The following LIMCH1 variants were observed in gnomAD, a reference collection of about 807,000 sequenced individuals.
LIMCH1 encodes the protein LIM and calponin homology domains-containing protein 1.
LIMCH1 carries 113 observed loss-of-function variants against 176.5 expected under a neutral mutation model. The ratio of observed to expected loss-of-function variants is 0.64; its 90% confidence interval spans 0.55 to 0.75. LIMCH1 has a LOEUF of 0.75. Ranked by LOEUF, LIMCH1 falls within the 30% of genes least tolerant of loss-of-function variation. The probability of loss-of-function intolerance (pLI) is 0.00; values close to 1 mark genes in which losing one functional copy is unlikely to be tolerated. For missense variants in LIMCH1, 1,674 were observed against 1,814.9 expected, an observed-to-expected ratio of 0.92 and a Z score of 1.41; for synonymous variants, 619 against 645.9, an observed-to-expected ratio of 0.96 and a Z score of 0.63.
chr4:41,511,461 T>A (rs1010924506), intron 2 of LIMCH1, among the ~76,000 whole-genome samples: 1 of 152,230 alleles, frequency 6.6e-6, no homozygotes, highest in Non-Finnish European at 1.5e-5. Flanking sequence ...TCAACTGCTG[T>A]CTCCCTCATT....
intron 1 of LIMCH1, among the ~76,000 whole-genome samples, chr4:41,395,974 G>A (rs2057765307): frequency 1.3e-5 from 2 of 152,322 alleles, no homozygotes; most frequent in Non-Finnish European, 2.9e-5. Context: ...TACTGAGAAG[G>A]TGACAGTGGG....
At chr4:41,368,361 A>G (rs1271118959) in intron 1 of LIMCH1, among the ~76,000 whole-genome samples, 3 of 152,244 alleles carry the variant, frequency 2.0e-5, no homozygotes, top group Admixed American at 6.5e-5. Context: ...TAGGTAATGA[A>G]CAAAATAAAC....
intron 1 of LIMCH1, among the ~76,000 whole-genome samples, chr4:41,415,674 A>G (rs2059857989): frequency 6.6e-6 from 1 of 152,168 alleles, no homozygotes; most frequent in East Asian, 1.9e-4. Flanking sequence ...CTATTTGTGT[A>G]CATGTCCATT....
chr4:41,575,878 A>G (rs2084384924), intron 1 of LIMCH1, among the ~76,000 whole-genome samples: 1 of 152,192 alleles, frequency 6.6e-6, no homozygotes, highest in Admixed American at 6.5e-5. Flanking sequence ...TAATGGCCAC[A>G]GTTGGTACTA....
At chr4:41,501,966 GC>G (rs1264066562) in intron 2 of LIMCH1, among the ~76,000 whole-genome samples, 2 of 146,730 alleles carry the variant, frequency 1.4e-5, no homozygotes, top group Non-Finnish European at 3.0e-5. Flanking sequence ...GTAAATGTGT[GC>G]CATGGTGGTT....
chr4:41,573,173 G>A (rs1477356013), intron 1 of LIMCH1, among the ~76,000 whole-genome samples: 2 of 152,142 alleles, frequency 1.3e-5, no homozygotes, highest in South Asian at 2.1e-4. Flanking sequence ...ACAACAGAAG[G>A]CAAGAGAAAA....
At chr4:41,664,376 C>T (rs2094748155) in intron 20 of LIMCH1, among the ~76,000 whole-genome samples, 2 of 152,174 alleles carry the variant, frequency 1.3e-5, no homozygotes, top group Admixed American at 1.3e-4. Context: ...CACTCCCTGG[C>T]CTTAGGAGCT....
At chr4:41,436,117 G>C (rs1344389320) in intron 1 of LIMCH1, among the ~76,000 whole-genome samples, 2 of 152,072 alleles carry the variant, frequency 1.3e-5, no homozygotes, top group Non-Finnish European at 2.9e-5. Flanking sequence ...TTTAAACCTT[G>C]TTTTTCTATT....
intron 1 of LIMCH1, among the ~76,000 whole-genome samples, chr4:41,382,832 C>T (rs2055898097): frequency 6.6e-6 from 1 of 152,204 alleles, no homozygotes; most frequent in Non-Finnish European, 1.5e-5. Context: ...GCTACCATCA[C>T]CCAGGCTGGA....
At chr4:41,569,623 T>C (rs2083255374) in intron 1 of LIMCH1, among the ~76,000 whole-genome samples, 1 of 152,206 alleles carries the variant, frequency 6.6e-6, no homozygotes. Context: ...ACATTAGCTA[T>C]ATAGTACCTG....
intron 18 of LIMCH1, among the ~76,000 whole-genome samples, chr4:41,656,450 C>T (rs185987080): frequency 1.2e-4 from 18 of 152,172 alleles, no homozygotes; most frequent in African/African-American, 3.6e-4. Context: ...TTACAGATTT[C>T]GAGAAAGCAT....
intron 1 of LIMCH1, among the ~76,000 whole-genome samples, chr4:41,384,195 A>C (rs77875702): frequency 1.3e-5 from 2 of 150,586 alleles, no homozygotes; most frequent in Non-Finnish European, 3.0e-5. Flanking sequence ...GGTCCTTCAC[A>C]TTACATCCTG....
At chr4:41,480,171 AAGGAAGC>A (rs1334081674) in intron 1 of LIMCH1, among the ~76,000 whole-genome samples, 1 of 152,200 alleles carries the variant, frequency 6.6e-6, no homozygotes, top group Non-Finnish European at 1.5e-5. Flanking sequence ...CCATCTTTTA[AAGGAAGC>A]AGGCTCAGAG....
intron 5 of LIMCH1, among the ~76,000 whole-genome samples, chr4:41,616,871 G>A (rs947544064): frequency 2.6e-5 from 4 of 152,110 alleles, no homozygotes; most frequent in Non-Finnish European, 2.9e-5. Context: ...TGGTAGAGCT[G>A]AAATTTTAGA....
At chr4:41,379,641 G>A (rs747213624) in intron 1 of LIMCH1, among the ~76,000 whole-genome samples, 6 of 152,016 alleles carry the variant, frequency 3.9e-5, no homozygotes, top group Non-Finnish European at 8.8e-5. Context: ...AACTGTAACT[G>A]GTCATTTATC....
chr4:41,493,974 G>A (rs574794077), intron 1 of LIMCH1, among the ~76,000 whole-genome samples: 1 of 152,258 alleles, frequency 6.6e-6, no homozygotes, highest in South Asian at 2.1e-4. Context: ...GTCCCTGGAG[G>A]TTTCAGTAAA....
chr4:41,363,557 G>A (rs1303910106), intron 1 of LIMCH1, among the ~76,000 whole-genome samples: 1 of 152,054 alleles, frequency 6.6e-6, no homozygotes, highest in African/African-American at 2.4e-5. Context: ...TCATGGATTG[G>A]CAAGAAAACA....
chr4:41,410,964 G>A (rs2059425959), intron 1 of LIMCH1, among the ~76,000 whole-genome samples: 1 of 152,150 alleles, frequency 6.6e-6, no homozygotes, highest in Non-Finnish European at 1.5e-5. Flanking sequence ...CTTGCTGTTT[G>A]TAGAGGTTCA....
chr4:41,611,418 C>G (rs1224642204), intron 4 of LIMCH1, among the ~76,000 whole-genome samples: 1 of 152,190 alleles, frequency 6.6e-6, no homozygotes, highest in African/African-American at 2.4e-5. Context: ...TAGCATTTAG[C>G]TGAGGATCAT....
Sources: allele counts gnomAD v4.1 joint callset (sites outside exome capture counted in the v4.1 genomes callset), GRCh38; gene constraint gnomAD v4.1.1; transcripts MANE v1.5; gene names NCBI Gene and HGNC (gene_info 2026-07-23, HGNC 2026-07-21).